Variants in SLIT3 observed in about 807,000 individuals in gnomAD.
SLIT3 encodes slit guidance ligand 3, also known as slit homolog 3 protein.
SLIT3 carries 68 observed loss-of-function variants against 184.0 expected under a neutral mutation model. The observed-to-expected ratio is 0.37, with a 90% CI of 0.30 to 0.45. The LOEUF (loss-of-function observed/expected upper bound fraction) is 0.45. SLIT3 is among the 20% of genes least tolerant of loss of function. SLIT3 has a pLI of 1.00. For synonymous variants in SLIT3, 831 were observed against 828.6 expected, an observed-to-expected ratio of 1.00 and a Z score of -0.05; for missense variants, 1,707 against 2,026.0, an observed-to-expected ratio of 0.84 and a Z score of 3.02.
At chr5:168,844,705 G>T (rs765646327) in intron 5 of SLIT3, 50 bp from the exon 6 acceptor site, 1 of 1,583,142 alleles carries the variant, frequency 6.3e-7, no homozygotes, top group Admixed American at 1.7e-5. Context: ...GCAGCGTGAG[G>T]GGCCGGCGGC....
At chr5:169,005,370 C>T (rs930134984) in intron 4 of SLIT3, among the ~76,000 whole-genome samples, 1 of 152,160 alleles carries the variant, frequency 6.6e-6, no homozygotes, top group Non-Finnish European at 1.5e-5. Flanking sequence ...ATCTAACGTC[C>T]GCATTATGGA....
At chr5:169,186,609 A>C (rs1185332479) in intron 4 of SLIT3, among the ~76,000 whole-genome samples, 1 of 152,178 alleles carries the variant, frequency 6.6e-6, no homozygotes, top group Non-Finnish European at 1.5e-5. Flanking sequence ...CTGGTTCCCA[A>C]GTTTCTGATC....
chr5:169,098,143 G>C (rs1290016382), intron 4 of SLIT3, among the ~76,000 whole-genome samples: 1 of 151,946 alleles, frequency 6.6e-6, no homozygotes, highest in Non-Finnish European at 1.5e-5. Flanking sequence ...TGGAAAGCAG[G>C]CTTCTTCTCA....
intron 1 of SLIT3, among the ~76,000 whole-genome samples, chr5:169,269,009 T>G (rs1157922232): frequency 6.6e-6 from 1 of 152,180 alleles, no homozygotes; most frequent in Non-Finnish European, 1.5e-5. Flanking sequence ...TTAAATAACT[T>G]GCCCCAATTC....
At chr5:169,280,456 C>G (rs954974126) in intron 1 of SLIT3, among the ~76,000 whole-genome samples, 1 of 152,180 alleles carries the variant, frequency 6.6e-6, no homozygotes, top group Non-Finnish European at 1.5e-5. Flanking sequence ...GCGGCCTCGT[C>G]TCAGGCAGAA....
chr5:169,098,811 C>T (rs1383298116), intron 4 of SLIT3, among the ~76,000 whole-genome samples: 1 of 152,208 alleles, frequency 6.6e-6, no homozygotes, highest in Non-Finnish European at 1.5e-5. Flanking sequence ...ATTTTTCCAA[C>T]CTCTTTGTAC....
At chr5:169,273,344 A>G (rs1024591422) in intron 1 of SLIT3, among the ~76,000 whole-genome samples, 6 of 152,162 alleles carry the variant, frequency 3.9e-5, no homozygotes, top group African/African-American at 1.4e-4. Flanking sequence ...AGAGAGAGAG[A>G]TGATCACTCT....
At chr5:168,758,620 A>G (rs890302263) in intron 16 of SLIT3, among the ~76,000 whole-genome samples, 7 of 152,246 alleles carry the variant, frequency 4.6e-5, no homozygotes, top group South Asian at 2.1e-4. Flanking sequence ...TGGCCCCCCA[A>G]CGTGCTCTCC....
intron 1 of SLIT3, among the ~76,000 whole-genome samples, chr5:169,293,539 T>C (rs984911726): frequency 1.3e-5 from 2 of 152,172 alleles, no homozygotes; most frequent in African/African-American, 4.8e-5. Context: ...ATAGGAATAT[T>C]GATGGAGGGT....
chr5:168,817,510 T>C (rs1439771534), intron 7 of SLIT3, 47 bp from the exon 8 acceptor site: 1 of 1,596,070 alleles, frequency 6.3e-7, no homozygotes, highest in South Asian at 1.1e-5. Flanking sequence ...AGGTGAAGTG[T>C]GGAGGCTGTC....
chr5:168,684,395 C>T (rs1385486129), intron 31 of SLIT3, among the ~76,000 whole-genome samples: 1 of 152,228 alleles, frequency 6.6e-6, no homozygotes, highest in African/African-American at 2.4e-5. Context: ...TCTGCCCTCT[C>T]CCTCTGGTGC....
chr5:168,777,001 GTCA>G (rs1755773855), intron 12 of SLIT3, among the ~76,000 whole-genome samples: 2 of 151,872 alleles, frequency 1.3e-5, no homozygotes, highest in Non-Finnish European at 2.9e-5. Flanking sequence ...AGCATTTTGC[GTCA>G]TGCCACATAT....
intron 4 of SLIT3, among the ~76,000 whole-genome samples, chr5:169,171,443 A>G (rs1209841522): frequency 6.6e-6 from 1 of 152,202 alleles, no homozygotes; most frequent in Non-Finnish European, 1.5e-5. Flanking sequence ...GAAAAAGTAC[A>G]AGTGTCTGTT....
At chr5:169,287,097 G>T (rs1197018190) in intron 1 of SLIT3, among the ~76,000 whole-genome samples, 2 of 152,180 alleles carry the variant, frequency 1.3e-5, no homozygotes, top group Non-Finnish European at 2.9e-5. Context: ...GAGCAGATTG[G>T]TTACCATCTT....
In SLIT3 at chr5:168,692,695, G is replaced by A. The variant is rs577752594; in HGVS notation, c.3088C>T (p.Leu1030=). ...CICPPNYTGE[L]CDEVIDHCVP... is the part of the protein sequence containing the mutation. ...CAGTGGTCAATCACCTCGTCGCATA[G>A]CTCACCTGGCACAGATGGGGGAGAT... The change falls in exon 29 of 36, where the codon CTA becomes TTA. Residue 1030 remains leucine (L), a synonymous_variant. Coordinates refer to ENST00000519560, the MANE Select transcript of SLIT3 (RefSeq NM_003062.4). The A allele has an allele frequency of 1.5e-4, 244 of 1,613,450 alleles. 5 individuals carry two copies. In the South Asian group the frequency reaches 2.6e-3, roughly 17 times the overall value.
At chr5:168,940,932 C>T (rs956160652) in intron 4 of SLIT3, among the ~76,000 whole-genome samples, 1 of 152,102 alleles carries the variant, frequency 6.6e-6, no homozygotes, top group South Asian at 2.1e-4. Flanking sequence ...CTCAGGATCC[C>T]CCAGGACTGT....
chr5:169,066,158 C>T (rs1293236250), intron 4 of SLIT3, among the ~76,000 whole-genome samples: 1 of 152,152 alleles, frequency 6.6e-6, no homozygotes, highest in East Asian at 1.9e-4. Context: ...TATTTTTGAG[C>T]AGTCTGGAAT....
intron 4 of SLIT3, among the ~76,000 whole-genome samples, chr5:169,128,320 A>T (rs114438535): frequency 0.034 from 5,109 of 149,932 alleles, 114 homozygotes; most frequent in Middle Eastern, 0.077. Context: ...TAAATTTTTT[A>T]AATTTGTCTG....
At chr5:168,916,004 T>A (rs1201357775) in intron 4 of SLIT3, among the ~76,000 whole-genome samples, 1 of 152,250 alleles carries the variant, frequency 6.6e-6, no homozygotes, top group African/African-American at 2.4e-5. Context: ...CTAGGGTACA[T>A]GTGCACAACG....
Sources: allele counts gnomAD v4.1 joint callset (sites outside exome capture counted in the v4.1 genomes callset), GRCh38; gene constraint gnomAD v4.1.1; transcripts MANE v1.5; gene names NCBI Gene and HGNC (gene_info 2026-07-23, HGNC 2026-07-21).